ZNF540: variants seen among roughly 807,000 people sequenced by gnomAD.
ZNF540 encodes the protein CTD-3064H18.6.
ZNF540 carries 3 observed loss-of-function variants against 11.8 expected under a neutral mutation model. The ratio of observed to expected loss-of-function variants is 0.25; its 90% CI spans 0.12 to 0.65. ZNF540 has a LOEUF of 0.65. Ranked by LOEUF, ZNF540 falls within the 30% of genes least tolerant of loss-of-function variation. The pLI is 0.83. For missense variants in ZNF540, 709 were observed against 793.1 expected (o/e 0.89, Z 1.27); for synonymous variants, 247 against 259.0 (o/e 0.95, Z 0.45).
chr19:37,612,471 G>A lies in ZNF540; in HGVS notation c.1191G>A (p.Gln397=). Residue 397 remains glutamine (Q), a synonymous_variant, in exon 5 of 5, where the codon CAG becomes CAA. Coordinates refer to ENST00000316433, the MANE Select transcript of ZNF540 (RefSeq NM_001172225.3). ...ECGKSFNVRG[Q]LNRHKTIHTG... ...GGAAATCATTTAATGTGCGTGGACA[G>A]CTTAATCGGCATAAAACAATCCATA... 1 of 1,614,146 alleles carries A rather than the reference G, an allele frequency of 6.2e-7. No homozygotes were observed. Among genetic ancestry groups the A allele is most frequent in the Non-Finnish European group, 8.5e-7 (1 of 1,180,014 alleles).
intron 1 of ZNF540, chr19:37,575,508 A>G (rs979753382): frequency 1.3e-5 from 2 of 152,218 alleles, no homozygotes; most frequent in Non-Finnish European, 2.9e-5. Context: ...ATTACCGCCA[A>G]CAGGATTTCT....
intron 1 of ZNF540, among the ~76,000 whole-genome samples, chr19:37,553,007 GTGTT>G (rs1252234830): frequency 2.2e-5 from 1 of 45,222 alleles, no homozygotes; most frequent in African/African-American, 1.2e-4. Context: ...TGTTTGCATG[GTGTT>G]TTTTTTTTTT....
intron 4 of ZNF540, among the ~76,000 whole-genome samples, chr19:37,604,339 G>A (rs1406572596): frequency 6.8e-5 from 8 of 118,108 alleles, no homozygotes; most frequent in East Asian, 2.3e-4. Flanking sequence ...GCGGAGTCTC[G>A]CTCTGTCGCC....
intron 1 of ZNF540, chr19:37,585,691 A>C (rs1329712201): frequency 6.6e-6 from 1 of 152,194 alleles, no homozygotes; most frequent in African/African-American, 2.4e-5. Flanking sequence ...CATCTCTTAA[A>C]CTTTCAAGTG....
chr19:37,604,922 T>G (rs2044071707), intron 4 of ZNF540, among the ~76,000 whole-genome samples: 1 of 152,222 alleles, frequency 6.6e-6, no homozygotes, highest in South Asian at 2.1e-4. Context: ...CTACTTCTAC[T>G]TCTGATATTT....
intron 1 of ZNF540, among the ~76,000 whole-genome samples, chr19:37,568,318 C>CT: frequency 2.3e-5 from 1 of 42,838 alleles, no homozygotes; most frequent in South Asian, 1.4e-3. Flanking sequence ...AAAGCAACTA[C>CT]CCCCCCCCAC....
At chr19:37,595,647 A>G (rs574781743) in intron 1 of ZNF540, among the ~76,000 whole-genome samples, 1 of 152,208 alleles carries the variant, frequency 6.6e-6, no homozygotes, top group Non-Finnish European at 1.5e-5. Context: ...TCTCACCTGT[A>G]AAGTGAGGGT....
At position 37,613,738 on chromosome 19, in the gene ZNF540, C is replaced by A. The variant is rs2044151082; in HGVS notation, c.*475C>A. On this transcript the variant is annotated 3_prime_UTR_variant, in exon 5 of 5. Coordinates refer to ENST00000316433, the MANE Select transcript of ZNF540 (RefSeq NM_001172225.3). ...AATGGAGATGACAAATTTGGAAAAACCACTCATCACTTACATTTCATGAAG... is the reference window on the plus strand; with the variant it reads ...AATGGAGATGACAAATTTGGAAAAAACACTCATCACTTACATTTCATGAAG... The A allele has an allele frequency of 7.5e-6, 3 of 398,508 alleles. No individual in the cohort carries two copies. The highest frequency in any genetic ancestry group is 1.3e-5 in the Non-Finnish European group (3 of 226,086). The allele number at this position is 398,508 out of a possible 1,614,324, so 24.7% of individuals were successfully genotyped here.
At chr19:37,597,747 G>T (rs2044007373) in intron 1 of ZNF540, among the ~76,000 whole-genome samples, 2 of 152,170 alleles carry the variant, frequency 1.3e-5, no homozygotes, top group Admixed American at 1.3e-4. Flanking sequence ...TTTTATAGAG[G>T]ACCAAATAGG....
Position 37,611,659 on chromosome 19 carries a change from G to A in ZNF540, c.379G>A (p.Glu127Lys). 6.2e-7 allele frequency: 1 copy of A among 1,613,952 alleles called. No homozygotes were observed. Among genetic ancestry groups the A allele is most frequent in the South Asian group, 1.1e-5 (1 of 91,078 alleles). ...TAGAAATGAGTGGCAGAACAAAAGTGAGTTTGAGGGTCAACAGGGACTTAA... is the reference window on the plus strand; with the variant it reads ...TAGAAATGAGTGGCAGAACAAAAGTAAGTTTGAGGGTCAACAGGGACTTAA... ...IFRNEWQNKSEFEGQQGLKER... is the reference protein window; with the variant it reads ...IFRNEWQNKSKFEGQQGLKER... Residue 127 changes from glutamate to lysine, a missense_variant, in exon 5 of 5, where the codon GAG becomes AAG. Physicochemically the swap from Glu to Lys is moderately conservative, Grantham distance 56. Transcript: ENST00000316433.
intron 1 of ZNF540, among the ~76,000 whole-genome samples, chr19:37,553,718 C>A (rs1216656891): frequency 1.5e-4 from 3 of 20,344 alleles, no homozygotes; most frequent in African/African-American, 2.2e-4. Flanking sequence ...CATATTATAC[C>A]CTATCGTATA....
rs149276502 is a variant in ZNF540, at chr19:37,565,536, G to A, written c.-73+13871G>A. 2.9e-5 allele frequency: 46 copies of A among 1,613,696 alleles called. No homozygotes were observed. In the African/African-American group the frequency reaches 4.0e-4, roughly 14 times the overall value. On this transcript the variant is annotated intron_variant, in intron 1 of 4. Transcript: ENST00000592533. The stretch of plus-strand genomic sequence containing the variant: ...GGTTTCTCACCACTATGAATTCTCT[G>A]ATGGTAAGTAAGTTGAGAGCCAAGA...
At position 37,565,449 on chromosome 19, in the gene ZNF540, T is replaced by C. The variant is rs555537521; in HGVS notation, c.-73+13784T>C. The C allele has an allele frequency of 1.6e-5, 26 of 1,613,306 alleles. No individual in the cohort carries two copies. The South Asian group carries it at 2.6e-4, about 16-fold the overall frequency. On this transcript the variant is annotated intron_variant, in intron 1 of 4. Coordinates refer to the ZNF540 transcript ENST00000592533. ...TAAGGCTTTTCACCAGTATGAACTC[T>C]CTGATGGTATGTAAGGTGTGAACCA...
chr19:37,591,508 A>C (rs532057212), upstream of ZNF540, among the ~76,000 whole-genome samples: 56 of 152,356 alleles, frequency 3.7e-4, no homozygotes, highest in African/African-American at 1.3e-3. Flanking sequence ...ATATAAAGGG[A>C]AAGAATCAAA....
At chr19:37,565,768 T>C (rs1216852151) in intron 1 of ZNF540, 3 of 1,613,804 alleles carry the variant, frequency 1.9e-6, no homozygotes, top group East Asian at 2.2e-5. Flanking sequence ...GATAAGGTTT[T>C]TCATTAGTAT....
intron 1 of ZNF540, among the ~76,000 whole-genome samples, chr19:37,557,454 C>G (rs2042671517): frequency 6.6e-6 from 1 of 152,208 alleles, no homozygotes. Flanking sequence ...ATCGGAGAGC[C>G]TGAGTGAGGG....
At chr19:37,578,038 G>A (rs1444471422) in intron 1 of ZNF540, among the ~76,000 whole-genome samples, 3 of 152,170 alleles carry the variant, frequency 2.0e-5, no homozygotes, top group South Asian at 2.1e-4. Flanking sequence ...GAACCCTATA[G>A]TAAAGTGTGC....
chr19:37,603,936 A>T (rs1002687280), intron 4 of ZNF540, among the ~76,000 whole-genome samples: 1 of 152,182 alleles, frequency 6.6e-6, no homozygotes. Flanking sequence ...TAATCAGATC[A>T]TTTGCAAATC....
chr19:37,590,920 G>A (rs967261882), upstream of ZNF540, among the ~76,000 whole-genome samples: 2 of 151,906 alleles, frequency 1.3e-5, no homozygotes, highest in Non-Finnish European at 2.9e-5. Context: ...GACAGTTACT[G>A]TTGTTTTCAA....
Sources: gnomAD v4.1 joint callset for allele counts (sites outside exome capture counted in the v4.1 genomes callset) on GRCh38, gnomAD v4.1.1 for gene constraint, MANE v1.5 for transcripts, NCBI Gene and HGNC (gene_info 2026-07-23, HGNC 2026-07-21) for gene names.